DNAH8: variants seen among roughly 807,000 people sequenced by gnomAD.
DNAH8 encodes the protein axonemal beta dynein heavy chain 8.
A neutral mutation model predicts 562.1 loss-of-function variants in DNAH8; 382 were observed. That is an observed-to-expected ratio of 0.68 (90% CI 0.63 to 0.74). The LOEUF is 0.74. Ranked by LOEUF, DNAH8 falls within the 30% of genes least tolerant of loss-of-function variation. The pLI is 0.00. For synonymous variants in DNAH8, 1,881 were observed against 1,919.4 expected, an observed-to-expected ratio of 0.98 and a Z score of 0.52; for missense variants, 5,203 against 5,620.4, an observed-to-expected ratio of 0.93 and a Z score of 2.37.
At position 38,982,363 on chromosome 6, in the gene DNAH8, C is replaced by G; in HGVS notation, c.12852C>G (p.Gly4284=). 1 of 1,598,112 alleles carries G rather than the reference C, an allele frequency of 6.3e-7. No individual in the cohort carries two copies. Among genetic ancestry groups the G allele is most frequent in the Non-Finnish European group, 8.6e-7 (1 of 1,167,116 alleles). The stretch of plus-strand genomic sequence containing the variant: ...TTTTTAAGGAGCGACGAAAATTTGG[C>G]CCCTTAGGATGGAATATTCCCTACG... ...HSTVQERRKF[G]PLGWNIPYEF... is the part of the protein sequence containing the mutation. Residue 4284 remains glycine (G), a synonymous_variant, in exon 86 of 93, where the codon GGC becomes GGG. Transcript: ENST00000327475.
At chr6:38,948,232 GA>G (rs1761592715) in intron 80 of DNAH8, among the ~76,000 whole-genome samples, 1 of 152,220 alleles carries the variant, frequency 6.6e-6, no homozygotes, top group African/African-American at 2.4e-5. Context: ...AGGGGTCATA[GA>G]GGAAAAAGTG....
intron 74 of DNAH8, 116 bp downstream of exon 74, chr6:38,926,326 A>G: frequency 2.5e-6 from 3 of 1,190,664 alleles, no homozygotes; most frequent in Non-Finnish European, 2.3e-6. Flanking sequence ...TTGCTAATTC[A>G]CACTCTTGAG....
intron 88 of DNAH8, among the ~76,000 whole-genome samples, chr6:38,991,681 G>A (rs982539145): frequency 4.0e-5 from 6 of 151,742 alleles, no homozygotes; most frequent in African/African-American, 1.5e-4. Flanking sequence ...TCCCACCTTC[G>A]TGCCCACTCA....
At chr6:38,961,944 C>A (rs914481486) in intron 82 of DNAH8, among the ~76,000 whole-genome samples, 1 of 151,656 alleles carries the variant, frequency 6.6e-6, no homozygotes, top group African/African-American at 2.4e-5. Context: ...AATGAATCAA[C>A]GGAAAAACTA....
intron 9 of DNAH8, among the ~76,000 whole-genome samples, chr6:38,753,341 G>A (rs1765630395): frequency 6.6e-6 from 1 of 152,134 alleles, no homozygotes; most frequent in African/African-American, 2.4e-5. Context: ...TACAATGTGA[G>A]CAATTAAAAT....
intron 62 of DNAH8, among the ~76,000 whole-genome samples, chr6:38,905,480 A>T (rs2206604): frequency 6.6e-6 from 1 of 152,176 alleles, no homozygotes; most frequent in Non-Finnish European, 1.5e-5. Flanking sequence ...TAGCCACTTA[A>T]TGAGCTGTGC....
intron 56 of DNAH8, among the ~76,000 whole-genome samples, chr6:38,885,001 T>C (rs1778816105): frequency 6.6e-6 from 1 of 152,128 alleles, no homozygotes; most frequent in African/African-American, 2.4e-5. Flanking sequence ...TTTATCCCTA[T>C]TCGCCTCAGA....
intron 12 of DNAH8, among the ~76,000 whole-genome samples, chr6:38,771,041 A>G (rs1474560978): frequency 6.6e-6 from 1 of 152,104 alleles, no homozygotes; most frequent in Non-Finnish European, 1.5e-5. Flanking sequence ...ACTGGTTGGG[A>G]AGGAGTGACA....
chr6:38,973,745 A>C lies in DNAH8; in HGVS notation c.12610A>C (p.Ser4204Arg). The C allele has an allele frequency of 6.2e-7, 1 of 1,611,530 alleles. No individual in the cohort carries two copies. Among genetic ancestry groups the C allele is most frequent in the Non-Finnish European group, 8.5e-7 (1 of 1,178,946 alleles). The change falls in exon 84 of 93, where the codon AGT becomes CGT. Residue 4204 changes from serine (S) to arginine (R), a missense_variant. Physicochemically the swap from Ser to Arg is moderately radical, Grantham distance 110. Coordinates refer to ENST00000327475, the MANE Select transcript of DNAH8 (RefSeq NM_001206927.2). ...LLETLITTEA[S>R]DDSFRVWITT... is the part of the protein sequence containing the mutation. ...AGAGACGCTAATTACCACTGAAGCC[A>C]GTGATGATTCTTTCCGAGTATGGAT...
rs750479004 is a variant in DNAH8, at chr6:38,873,033, T to C, written c.7365T>C (p.Ser2455=). ...GAGATCGCATTCCCATGGCCCCTAG[T>C]TGTAAGCTTCTGTTTGAAGTCCACA... ...ANGDRIPMAP[S]CKLLFEVHNI... is the part of the protein sequence containing the mutation. The change falls in exon 51 of 93, where the codon AGT becomes AGC. Residue 2455 remains serine, a synonymous_variant. Transcript: ENST00000327475. 1 of 1,614,134 alleles carries C rather than the reference T, an allele frequency of 6.2e-7. No homozygotes were observed. Among genetic ancestry groups the C allele is most frequent in the East Asian group, 2.2e-5 (1 of 44,870 alleles).
chr6:39,000,653 C>G (rs1050292675), intron 88 of DNAH8, among the ~76,000 whole-genome samples: 11 of 152,210 alleles, frequency 7.2e-5, no homozygotes, highest in Non-Finnish European at 1.3e-4. Context: ...TTCAGGAAAA[C>G]AAGCTCAGGG....
rs567775931 is a variant in DNAH8, at chr6:38,795,115, A to G, written c.2901+3441A>G. On this transcript the variant is annotated intron_variant, in intron 21 of 92. Coordinates refer to ENST00000327475, the MANE Select transcript of DNAH8 (RefSeq NM_001206927.2). ...CTTTTTTATTGTGATAAAATATACT[A>G]ACATAGCATTTACCATTTTAACCAT... is the stretch of plus-strand genomic sequence containing the variant. Among the ~76,000 whole-genome samples the G allele has an allele frequency of 1.6e-4, 25 of 152,344 alleles. No individual in the cohort carries two copies. In the South Asian group the frequency reaches 5.0e-3, roughly 30 times the overall value.
chr6:38,943,664 T>C (rs189100443), intron 79 of DNAH8, among the ~76,000 whole-genome samples: 393 of 152,306 alleles, frequency 2.6e-3, no homozygotes, highest in African/African-American at 8.0e-3. Flanking sequence ...TAGAAAGATA[T>C]TATCTTTCTT....
At chr6:38,833,700 G>A (rs1210488837) in intron 31 of DNAH8, among the ~76,000 whole-genome samples, 3 of 152,064 alleles carry the variant, frequency 2.0e-5, no homozygotes, top group African/African-American at 7.2e-5. Context: ...CATTACTTCT[G>A]TGCTCACTCT....
At chr6:38,776,005 C>A in intron 13 of DNAH8, 54 bp downstream of exon 13, 1 of 1,081,708 alleles carries the variant, frequency 9.2e-7, no homozygotes, top group Non-Finnish European at 1.4e-6. Flanking sequence ...GTCAGTAGTA[C>A]TATCTGGTAC....
At chr6:38,868,262 G>A (rs930749449) in intron 48 of DNAH8, 66 bp downstream of exon 48, 1 of 1,460,794 alleles carries the variant, frequency 6.8e-7, no homozygotes, top group Non-Finnish European at 9.3e-7. Flanking sequence ...TGGTGGACAA[G>A]TAGAGGTAGG....
At position 38,734,642 on chromosome 6, in the gene DNAH8, C is replaced by G; in HGVS notation, c.762+17C>G. ...ATTCAAGAGGTATGTTTAAAAATTT[C>G]CCCAAATACATAGTTAAACATTGAA... On this transcript the variant is annotated intron_variant, in intron 5 of 92. Transcript: ENST00000327475. The G allele has an allele frequency of 6.2e-7, 1 of 1,607,068 alleles. No homozygotes were observed. Among genetic ancestry groups the G allele is most frequent in the Non-Finnish European group, 8.5e-7 (1 of 1,178,122 alleles).
intron 82 of DNAH8, among the ~76,000 whole-genome samples, chr6:38,969,579 T>A (rs1057503994): frequency 7.3e-5 from 11 of 150,760 alleles, no homozygotes; most frequent in African/African-American, 2.7e-4. Context: ...ACCTGAGATG[T>A]GAAGGGAGTG....
chr6:38,832,406 G>A lies in DNAH8; in HGVS notation c.4273G>A (p.Val1425Met), dbSNP rs889137358. 12 of 1,611,948 alleles carry A rather than the reference G, an allele frequency of 7.4e-6. No homozygotes were observed. Among genetic ancestry groups the A allele is most frequent in the Middle Eastern group, 1.7e-4 (1 of 6,054 alleles). Residue 1425 changes from valine (V) to methionine (M), a missense_variant, in exon 31 of 93, where the codon GTG becomes ATG. Coordinates refer to ENST00000327475, the MANE Select transcript of DNAH8 (RefSeq NM_001206927.2). ...GTCTGTGGAAGTTTTTCGTGAGGAC[G>A]TGATAAACTTTGCAGAAGCATATGA... ...LESVEVFRED[V>M]INFAEAYELE...
Sources: allele counts gnomAD v4.1 joint callset (sites outside exome capture counted in the v4.1 genomes callset), GRCh38; gene constraint gnomAD v4.1.1; transcripts MANE v1.5; gene names NCBI Gene and HGNC (gene_info 2026-07-23, HGNC 2026-07-21).